Variants in PRELID2 observed in about 807,000 individuals in gnomAD.
PRELID2 encodes PRELI domain containing 2.
A neutral mutation model predicts 28.4 loss-of-function variants in PRELID2; 25 were observed. The ratio of observed to expected loss-of-function variants is 0.88; its 90% CI spans 0.64 to 1.23. The LOEUF is 1.23. Ranked by LOEUF, PRELID2 falls within the 50% of genes most tolerant of loss-of-function variation. PRELID2 has a pLI of 0.00. For synonymous variants in PRELID2, 76 were observed against 71.6 expected, an observed-to-expected ratio of 1.06 and a Z score of -0.31; for missense variants, 201 against 214.4, an observed-to-expected ratio of 0.94 and a Z score of 0.39.
chr5:145,418,814 G>T, the PRELID2 span, among the ~76,000 whole-genome samples: 21 of 151,428 alleles, frequency 1.4e-4, no homozygotes, highest in Non-Finnish European at 2.5e-4. Context: ...GTGCCATGCT[G>T]GTGCGCTGCA....
chr5:145,359,337 A>G, the PRELID2 span, among the ~76,000 whole-genome samples: 2 of 152,196 alleles, frequency 1.3e-5, no homozygotes, highest in Middle Eastern at 6.3e-3. Flanking sequence ...ACAGCTGCCC[A>G]ATAAGACTGA....
intron 1 of PRELID2, among the ~76,000 whole-genome samples, chr5:145,605,805 A>T (rs1247872265): frequency 6.6e-6 from 1 of 152,072 alleles, no homozygotes; most frequent in East Asian, 1.9e-4. Context: ...CAATTGAAGA[A>T]TGTCATTGAT....
the PRELID2 span, among the ~76,000 whole-genome samples, chr5:145,356,071 T>C: frequency 6.6e-6 from 1 of 152,156 alleles, no homozygotes; most frequent in African/African-American, 2.4e-5. Flanking sequence ...TAACAGAATA[T>C]TCCTCAACAA....
chr5:145,782,447 T>C (rs1751696514), intron 5 of PRELID2, among the ~76,000 whole-genome samples: 1 of 152,210 alleles, frequency 6.6e-6, no homozygotes, highest in African/African-American at 2.4e-5. Flanking sequence ...AGAAGGTAAC[T>C]GGGAAAACTA....
intron 1 of PRELID2, among the ~76,000 whole-genome samples, chr5:145,573,504 T>C (rs1753032557): frequency 6.6e-6 from 1 of 152,050 alleles, no homozygotes; most frequent in Admixed American, 6.6e-5. Context: ...CCCTTTCCTC[T>C]GCCCGCACAA....
chr5:145,502,527 G>A (rs1752368885), intron 1 of PRELID2, among the ~76,000 whole-genome samples: 1 of 152,074 alleles, frequency 6.6e-6, no homozygotes. Context: ...TGATGGCCAG[G>A]TTAATAAATT....
At chr5:145,431,800 G>T in the PRELID2 span, among the ~76,000 whole-genome samples, 1 of 152,268 alleles carries the variant, frequency 6.6e-6, no homozygotes, top group East Asian at 1.9e-4. Flanking sequence ...ACATGATTCT[G>T]AACTGGATCT....
chr5:145,704,269 T>A (rs879872526), intron 1 of PRELID2: 2 of 152,188 alleles, frequency 1.3e-5, no homozygotes, highest in Non-Finnish European at 2.9e-5. Context: ...AAAATTTGCA[T>A]CTGTCCATCC....
intron 4 of PRELID2, among the ~76,000 whole-genome samples, chr5:145,810,547 T>C (rs1363875232): frequency 6.6e-6 from 1 of 152,214 alleles, no homozygotes; most frequent in East Asian, 1.9e-4. Flanking sequence ...AGATGTGTAC[T>C]GAGGGAATGC....
At chr5:145,481,623 C>CAAAAAAAAAAAAAAAAAAAAAAAAAAGAA (rs1752160658) in intron 1 of PRELID2, among the ~76,000 whole-genome samples, 17 of 41,860 alleles carry the variant, frequency 4.1e-4, no homozygotes, top group African/African-American at 4.7e-4. Flanking sequence ...GCAAGGAAAT[C>CAAAAAAAAAAAAAAAAAAAAAAAAAAGAA]AAAAAAAAAA....
chr5:145,337,686 AATATATATATATATATATAT>A, the PRELID2 span, among the ~76,000 whole-genome samples: 277 of 79,874 alleles, frequency 3.5e-3, 3 homozygotes, highest in East Asian at 8.6e-3. Flanking sequence ...GCATAGGGCA[AATATATATATATATATATAT>A]ATATATATAT....
At chr5:145,750,677 G>A (rs939584661) in intron 1 of PRELID2, among the ~76,000 whole-genome samples, 14 of 152,078 alleles carry the variant, frequency 9.2e-5, no homozygotes, top group African/African-American at 3.1e-4. Flanking sequence ...TGTGCATTTT[G>A]TACACTTTAA....
chr5:145,394,662 T>A, the PRELID2 span, among the ~76,000 whole-genome samples: 1 of 152,206 alleles, frequency 6.6e-6, no homozygotes, highest in Non-Finnish European at 1.5e-5. Flanking sequence ...GGAGCCTTGA[T>A]CATCTGACTC....
chr5:145,699,547 T>A (rs189769380), intron 1 of PRELID2, among the ~76,000 whole-genome samples: 95 of 152,256 alleles, frequency 6.2e-4, no homozygotes, highest in Non-Finnish European at 1.1e-3. Flanking sequence ...GATTTGCATC[T>A]CTTCCCTGCT....
intron 4 of PRELID2, among the ~76,000 whole-genome samples, chr5:145,814,460 G>T (rs555469336): frequency 4.3e-4 from 66 of 152,228 alleles, no homozygotes; most frequent in African/African-American, 1.4e-3. Flanking sequence ...AAAACTAGCG[G>T]GTGGTTCAGA....
At chr5:145,807,875 C>T (rs1433057864) in intron 4 of PRELID2, among the ~76,000 whole-genome samples, 1 of 152,182 alleles carries the variant, frequency 6.6e-6, no homozygotes, top group Non-Finnish European at 1.5e-5. Context: ...CCTCAGTGCA[C>T]AGCCACCACA....
chr5:145,807,389 C>T lies in PRELID2; in HGVS notation c.368+10505G>A, dbSNP rs560666801. Among the ~76,000 whole-genome samples, 3 of 152,266 alleles carry T rather than the reference C, an allele frequency of 2.0e-5. No homozygotes were observed. In the South Asian group the frequency reaches 6.2e-4, roughly 32 times the overall value. ...CAAAATTAGTAACTTTAAACAGTCA[C>T]CACACTTTGAAAACAACATTTAATC... On this transcript the variant is annotated intron_variant, in intron 4 of 6. Coordinates refer to ENST00000683046, the MANE Select transcript of PRELID2 (RefSeq NM_205846.3).
chr5:145,571,637 G>T (rs1179792211), intron 1 of PRELID2, among the ~76,000 whole-genome samples: 1 of 152,096 alleles, frequency 6.6e-6, no homozygotes, highest in South Asian at 2.1e-4. Context: ...ATCCAGGAGA[G>T]AATTAACTAA....
At position 145,679,021 on chromosome 5, in the gene PRELID2, A is replaced by G. The variant is rs560982004; in HGVS notation, n.70+85910T>C. Among the ~76,000 whole-genome samples the G allele has an allele frequency of 8.5e-5, 13 of 152,302 alleles. No individual in the cohort carries two copies. The South Asian group carries it at 1.9e-3, about 22-fold the overall frequency. ...AGAAATTGAATTTCAGTTGTATTCT[A>G]GAGATCTCTAAACAGTCCAAAGATG... On this transcript the variant is annotated intron_variant and non_coding_transcript_variant, in intron 1 of 2. Coordinates refer to the PRELID2 transcript ENST00000510259.
Sources: allele counts gnomAD v4.1 joint callset (sites outside exome capture counted in the v4.1 genomes callset), GRCh38; gene constraint gnomAD v4.1.1; transcripts MANE v1.5; gene names NCBI Gene and HGNC (gene_info 2026-07-23, HGNC 2026-07-21).